HTR1F: variants seen among roughly 807,000 people sequenced by gnomAD.
HTR1F encodes 5-hydroxytryptamine (serotonin) receptor 1F, G protein-coupled.
HTR1F carries 17 observed loss-of-function variants against 24.0 expected under a neutral mutation model. The ratio of observed to expected loss-of-function variants is 0.71; its 90% confidence interval spans 0.48 to 1.06. The LOEUF (loss-of-function observed/expected upper bound fraction) is 1.06, where lower values mean the gene tolerates loss of function less well. HTR1F is among the 50% of genes least tolerant of loss of function. The probability of loss-of-function intolerance (pLI) is 0.00; values close to 1 mark genes in which losing one functional copy is unlikely to be tolerated. For synonymous variants in HTR1F, 186 were observed against 156.8 expected, an observed-to-expected ratio of 1.19 and a Z score of -1.39; for missense variants, 391 against 427.8, an observed-to-expected ratio of 0.91 and a Z score of 0.76.
intron 2 of HTR1F, among the ~76,000 whole-genome samples, chr3:87,860,216 A>T (rs1705287987): frequency 6.6e-6 from 1 of 152,234 alleles, no homozygotes; most frequent in African/African-American, 2.4e-5. Context: ...GAAAGTTTTA[A>T]ATGAAATTAA....
intron 2 of HTR1F, among the ~76,000 whole-genome samples, chr3:87,883,018 A>G (rs1401888040): frequency 6.6e-6 from 1 of 152,146 alleles, no homozygotes; most frequent in Admixed American, 6.5e-5. Context: ...CCTGACCTCC[A>G]TGTAGCCTAA....
intron 2 of HTR1F, among the ~76,000 whole-genome samples, chr3:87,983,065 A>G (rs1705586622): frequency 6.6e-6 from 1 of 152,192 alleles, no homozygotes; most frequent in Non-Finnish European, 1.5e-5. Context: ...GCCAACAGAC[A>G]AACTAACGGG....
chr3:87,908,629 T>C (rs1413928038), intron 2 of HTR1F, among the ~76,000 whole-genome samples: 3 of 152,032 alleles, frequency 2.0e-5, no homozygotes, highest in African/African-American at 7.2e-5. Context: ...GTCATGTCCA[T>C]TTCCTCTTTT....
chr3:87,813,065 CCA>C (rs1413145406), intron 1 of HTR1F, among the ~76,000 whole-genome samples: 1 of 152,154 alleles, frequency 6.6e-6, no homozygotes, highest in African/African-American at 2.4e-5. Context: ...GTCAGAGCCC[CCA>C]CACAGAGTCC....
At chr3:87,909,229 G>A (rs764484215) in intron 2 of HTR1F, among the ~76,000 whole-genome samples, 5 of 151,852 alleles carry the variant, frequency 3.3e-5, no homozygotes, top group South Asian at 2.1e-4. Context: ...AAGAATCCCC[G>A]GTCAAATCAT....
At chr3:87,967,322 C>G (rs1228592951) in intron 2 of HTR1F, among the ~76,000 whole-genome samples, 1 of 152,018 alleles carries the variant, frequency 6.6e-6, no homozygotes, top group Non-Finnish European at 1.5e-5. Flanking sequence ...TGGTGGCACA[C>G]TCCTGTAATC....
intron 2 of HTR1F, among the ~76,000 whole-genome samples, chr3:87,933,188 T>C (rs1386543899): frequency 6.6e-6 from 1 of 152,144 alleles, no homozygotes; most frequent in African/African-American, 2.4e-5. Flanking sequence ...AAATTAGGTA[T>C]TGATTGGATG....
chr3:87,888,346 AT>A (rs1202613170), intron 2 of HTR1F, among the ~76,000 whole-genome samples: 1 of 152,182 alleles, frequency 6.6e-6, no homozygotes, highest in African/African-American at 2.4e-5. Flanking sequence ...GAGGGATAGC[AT>A]TAGGAGAAAT....
intron 2 of HTR1F, among the ~76,000 whole-genome samples, chr3:87,827,496 C>A (rs1269629547): frequency 2.0e-5 from 3 of 152,090 alleles, no homozygotes; most frequent in Non-Finnish European, 2.9e-5. Flanking sequence ...ATTCTAAACA[C>A]CAAGACTTTA....
At chr3:87,794,731 T>C (rs1703875028) in intron 1 of HTR1F, among the ~76,000 whole-genome samples, 1 of 152,188 alleles carries the variant, frequency 6.6e-6, no homozygotes. Flanking sequence ...ATGCACTTTC[T>C]GCCATCTTGC....
intron 2 of HTR1F, among the ~76,000 whole-genome samples, chr3:87,852,961 A>G (rs1269194099): frequency 2.8e-5 from 4 of 141,410 alleles, no homozygotes; most frequent in African/African-American, 5.9e-5. Flanking sequence ...CTAACATTGT[A>G]GTGGCTGTTT....
intron 2 of HTR1F, among the ~76,000 whole-genome samples, chr3:87,940,299 C>T (rs558249220): frequency 5.9e-5 from 9 of 152,200 alleles, no homozygotes; most frequent in African/African-American, 2.2e-4. Flanking sequence ...TAAAACTCAA[C>T]ACCCCTTTAT....
intron 1 of HTR1F, among the ~76,000 whole-genome samples, chr3:87,808,791 G>C (rs1206878515): frequency 6.6e-6 from 1 of 151,804 alleles, no homozygotes; most frequent in African/African-American, 2.4e-5. Context: ...GTATCCCATA[G>C]ATTTTGATAC....
intron 2 of HTR1F, among the ~76,000 whole-genome samples, chr3:87,867,764 A>T (rs1705460156): frequency 6.6e-6 from 1 of 152,174 alleles, no homozygotes; most frequent in African/African-American, 2.4e-5. Context: ...CACTGGAGAA[A>T]TACACTATGG....
At chr3:87,887,535 G>C (rs1264526796) in intron 2 of HTR1F, among the ~76,000 whole-genome samples, 1 of 152,136 alleles carries the variant, frequency 6.6e-6, no homozygotes, top group South Asian at 2.1e-4. Context: ...AGAGTGAACA[G>C]GCAACCTACA....
At chr3:87,934,026 G>C (rs578215040) in intron 2 of HTR1F, among the ~76,000 whole-genome samples, 1 of 152,204 alleles carries the variant, frequency 6.6e-6, no homozygotes, top group East Asian at 1.9e-4. Flanking sequence ...AACTGTTCCT[G>C]CTGTATGTCA....
chr3:87,872,870 A>G (rs1159046564), intron 2 of HTR1F, among the ~76,000 whole-genome samples: 4 of 152,116 alleles, frequency 2.6e-5, no homozygotes, highest in Non-Finnish European at 2.9e-5. Flanking sequence ...TTTTAAAGAA[A>G]AATTGACACC....
At chr3:87,914,025 C>T (rs190993611) in intron 2 of HTR1F, among the ~76,000 whole-genome samples, 12 of 152,242 alleles carry the variant, frequency 7.9e-5, no homozygotes, top group East Asian at 5.8e-4. Flanking sequence ...CTGCAGGACC[C>T]GGCAGACACC....
chr3:87,864,814 T>G (rs1705388729), intron 2 of HTR1F, among the ~76,000 whole-genome samples: 1 of 150,712 alleles, frequency 6.6e-6, no homozygotes. Context: ...GAGAATCGCT[T>G]GAACCTGGGA....
Sources: gnomAD v4.1 joint callset for allele counts (sites outside exome capture counted in the v4.1 genomes callset) on GRCh38, gnomAD v4.1.1 for gene constraint, MANE v1.5 for transcripts, NCBI Gene and HGNC (gene_info 2026-07-23, HGNC 2026-07-21) for gene names.